Variants in COL22A1 observed in about 807,000 individuals in gnomAD.
The protein encoded by COL22A1 is collagen type XXII alpha 1 chain, also known as collagen alpha-1(XXII) chain.
A neutral mutation model predicts 248.9 loss-of-function variants in COL22A1; 221 were observed. That is an observed-to-expected ratio of 0.89 (90% CI 0.80 to 0.99). The LOEUF is 0.99. COL22A1 is among the 50% of genes least tolerant of loss of function. The probability of loss-of-function intolerance (pLI) is 0.00; values close to 1 mark genes in which losing one functional copy is unlikely to be tolerated. For missense variants in COL22A1, 2,240 were observed against 2,179.0 expected (o/e 1.03, Z -0.56); for synonymous variants, 891 against 793.4 (o/e 1.12, Z -2.07).
intron 12 of COL22A1, among the ~76,000 whole-genome samples, chr8:138,786,324 A>C (rs79994719): frequency 0.012 from 1,794 of 152,216 alleles, 37 homozygotes; most frequent in African/African-American, 0.041. Flanking sequence ...TCTCTTTTTG[A>C]ATCTTTTTTT....
At position 138,725,989 on chromosome 8, in the gene COL22A1, T is replaced by C. The variant is rs781321490; in HGVS notation, c.2140-549A>G. On this transcript the variant is annotated intron_variant, in intron 23 of 64. Transcript: ENST00000303045. ...TTGTGAAGGTTCCCCCGTGATTCTA[T>C]GGAGATCAGTCCTCACAGCTGCTTG... Among the ~76,000 whole-genome samples, 14 of 152,342 alleles carry C rather than the reference T, an allele frequency of 9.2e-5. No homozygotes were observed. The South Asian group carries it at 1.0e-3, about 11-fold the overall frequency.
At chr8:138,722,861 T>G (rs7825031) in intron 25 of COL22A1, among the ~76,000 whole-genome samples, 9,035 of 17,758 alleles carry the variant, frequency 0.51, 1,535 homozygotes, top group East Asian at 0.76. Flanking sequence ...GGGGGGGGGG[T>G]GGTGGAAAAC....
At chr8:138,685,617 C>A (rs1375634419) in intron 37 of COL22A1, among the ~76,000 whole-genome samples, 2 of 152,084 alleles carry the variant, frequency 1.3e-5, no homozygotes, top group African/African-American at 2.4e-5. Flanking sequence ...ATATGAGTAG[C>A]GTCTTTTAAA....
At position 138,788,562 on chromosome 8, in the gene COL22A1, C is replaced by A. The variant is rs1441814747; in HGVS notation, c.1597-7582G>T. Among the ~76,000 whole-genome samples, 4 of 152,240 alleles carry A rather than the reference C, an allele frequency of 2.6e-5. No homozygotes were observed. The East Asian group carries it at 7.7e-4, about 29-fold the overall frequency. ...GGTGAATTTGAAGAAAGGGAAGGTTCTTTATGTTGGCCTCCTGGAACATGC... is the reference window on the plus strand; with the variant it reads ...GGTGAATTTGAAGAAAGGGAAGGTTATTTATGTTGGCCTCCTGGAACATGC... On this transcript the variant is annotated intron_variant, in intron 12 of 64. Coordinates refer to ENST00000303045, the MANE Select transcript of COL22A1 (RefSeq NM_152888.3).
intron 40 of COL22A1, among the ~76,000 whole-genome samples, chr8:138,678,139 C>A (rs778059011): frequency 1.3e-5 from 2 of 152,166 alleles, no homozygotes; most frequent in African/African-American, 4.8e-5. Context: ...AATGCTTATT[C>A]ATTCACTGCA....
intron 6 of COL22A1, chr8:138,825,731 G>A (rs751346869): frequency 2.0e-5 from 3 of 152,140 alleles, no homozygotes; most frequent in Non-Finnish European, 4.4e-5. Context: ...GCTTGAGCAT[G>A]CTTTTATTTT....
chr8:138,654,181 A>C (rs1370750297), intron 45 of COL22A1, among the ~76,000 whole-genome samples: 1 of 152,168 alleles, frequency 6.6e-6, no homozygotes, highest in Non-Finnish European at 1.5e-5. Context: ...TCAGGGGTGG[A>C]GATGGCTGGT....
rs1819381685 is a variant in COL22A1, at chr8:138,616,966, G to A, written c.3826-8C>T. 3 of 1,614,052 alleles carry A rather than the reference G, an allele frequency of 1.9e-6. No homozygotes were observed. The highest frequency in any genetic ancestry group is 3.3e-5 in the Admixed American group (2 of 60,012). ...TGTGTGTCCCTTGAAGCCCTAGAAG[G>A]AAGAGAATGGAGTTATTCCATGATA... On this transcript the variant is annotated splice_region_variant and splice_polypyrimidine_tract_variant and intron_variant, in intron 53 of 64. Transcript: ENST00000303045.
Position 138,703,317 on chromosome 8 carries a change from A to T in COL22A1, c.2548T>A (p.Leu850Ile). ...GCGGAGTAACTTACAGTTCCAGGTA[A>T]CCCGGGAGGGCCTGCAGGACCAGCT... ...GEAGPAGPPG[L>I]PGTTSLFTPH... The change falls in exon 31 of 65, where the codon TTA (leucine) becomes ATA (isoleucine). Residue 850 changes from leucine (L) to isoleucine (I), a missense_variant. By Grantham distance (5) the Leu-to-Ile change is conservative. Transcript: ENST00000303045. The T allele has an allele frequency of 6.2e-7, 1 of 1,613,584 alleles. No individual in the cohort carries two copies. The highest frequency in any genetic ancestry group is 8.5e-7 in the Non-Finnish European group (1 of 1,179,576).
intron 41 of COL22A1, among the ~76,000 whole-genome samples, chr8:138,670,959 T>TAAA (rs1824968925): frequency 7.5e-4 from 2 of 2,664 alleles, no homozygotes; most frequent in Non-Finnish European, 2.6e-3. Context: ...AGACCTTGTC[T>TAAA]CAAAAAAAAA....
chr8:138,669,363 G>C (rs1312119085), intron 41 of COL22A1, among the ~76,000 whole-genome samples: 1 of 152,176 alleles, frequency 6.6e-6, no homozygotes, highest in African/African-American at 2.4e-5. Context: ...GAGGGTCCTG[G>C]AGGCCGGTCA....
chr8:138,591,535 G>T, intron 63 of COL22A1, 34 bp from the exon 64 acceptor site: 1 of 1,470,048 alleles, frequency 6.8e-7, no homozygotes, highest in South Asian at 1.4e-5. Flanking sequence ...TGATGGTGGA[G>T]ACCCCCGGGG....
At chr8:138,638,794 T>C (rs2130405260) in intron 47 of COL22A1, among the ~76,000 whole-genome samples, 1 of 152,336 alleles carries the variant, frequency 6.6e-6, no homozygotes, top group Admixed American at 6.5e-5. Flanking sequence ...TCCTTAACAT[T>C]TAGGACAATT....
chr8:138,803,053 T>C lies in COL22A1; in HGVS notation c.1495-119A>G. 7 of 791,234 alleles carry C rather than the reference T, an allele frequency of 8.8e-6. No individual in the cohort carries two copies. The South Asian group carries it at 9.6e-5, about 11-fold the overall frequency. 49.0% of individuals were successfully genotyped at this position (791,234 alleles called of 1,614,324 possible). On this transcript the variant is annotated intron_variant, in intron 10 of 64. Transcript: ENST00000303045. ...CCCTAGAAGCAGCTGACTTCATCTT[T>C]GCCATTTCTGCAACGAGGCCACATG...
intron 3 of COL22A1, among the ~76,000 whole-genome samples, chr8:138,847,622 G>T (rs1431750620): frequency 6.6e-6 from 1 of 152,138 alleles, no homozygotes; most frequent in Admixed American, 6.5e-5. Flanking sequence ...TAAAGGAAAG[G>T]ATTGCTTAAA....
chr8:138,683,315 G>A (rs140124861), intron 39 of COL22A1, among the ~76,000 whole-genome samples: 1 of 152,312 alleles, frequency 6.6e-6, no homozygotes, highest in East Asian at 1.9e-4. Flanking sequence ...GGTAATTGAT[G>A]CGTAAATGAA....
chr8:138,753,923 T>A (rs1563715318), intron 21 of COL22A1, among the ~76,000 whole-genome samples: 1 of 152,184 alleles, frequency 6.6e-6, no homozygotes, highest in Non-Finnish European at 1.5e-5. Flanking sequence ...TAATTCCCCT[T>A]TACGGAGCTC....
chr8:138,723,254 T>C (rs1830038142), intron 25 of COL22A1, among the ~76,000 whole-genome samples: 1 of 151,732 alleles, frequency 6.6e-6, no homozygotes, highest in Non-Finnish European at 1.5e-5. Flanking sequence ...TTGACTCATC[T>C]CTCCCTGTGC....
chr8:138,846,483 A>G (rs1821252333), intron 3 of COL22A1, among the ~76,000 whole-genome samples: 2 of 152,200 alleles, frequency 1.3e-5, no homozygotes, highest in African/African-American at 4.8e-5. Context: ...AATCTTTCTC[A>G]AAACAACCTG....
Sources: allele counts gnomAD v4.1 joint callset (sites outside exome capture counted in the v4.1 genomes callset), GRCh38; gene constraint gnomAD v4.1.1; transcripts MANE v1.5; gene names NCBI Gene and HGNC (gene_info 2026-07-23, HGNC 2026-07-21).